Variants in CRISPLD1 observed in about 807,000 individuals in gnomAD.
CRISPLD1 encodes cysteine-rich secretory protein LCCL domain-containing 1.
In CRISPLD1, 60 loss-of-function variants were observed where a neutral mutation model predicts 77.5. That is an observed-to-expected ratio of 0.77 (90% CI 0.63 to 0.96). The LOEUF is 0.96. Among genes scored for constraint, CRISPLD1 ranks in the 40% least tolerant of loss-of-function variants. The pLI is 0.00. For synonymous variants in CRISPLD1, 195 were observed against 200.1 expected, an observed-to-expected ratio of 0.97 and a Z score of 0.22; for missense variants, 623 against 615.8, an observed-to-expected ratio of 1.01 and a Z score of -0.12.
intron 9 of CRISPLD1, 99 bp from the exon 10 acceptor site, chr8:75,017,221 A>G: frequency 6.5e-7 from 1 of 1,540,780 alleles, no homozygotes; most frequent in East Asian, 2.3e-5. Flanking sequence ...TTGCTCAGAA[A>G]TGTTTATTTA....
chr8:74,998,972 A>C (rs1563393231), intron 2 of CRISPLD1, among the ~76,000 whole-genome samples: 1 of 152,094 alleles, frequency 6.6e-6, no homozygotes, highest in Non-Finnish European at 1.5e-5. Flanking sequence ...AATATGGATC[A>C]AGTACAGATA....
chr8:75,005,262 T>C (rs574675973), intron 2 of CRISPLD1, among the ~76,000 whole-genome samples: 1 of 152,272 alleles, frequency 6.6e-6, no homozygotes, highest in Non-Finnish European at 1.5e-5. Context: ...TCTAAGAGAC[T>C]GTGAAGTACA....
chr8:75,013,216 A>G (rs952177572), intron 4 of CRISPLD1, among the ~76,000 whole-genome samples, 194 bp downstream of exon 4: 5 of 152,146 alleles, frequency 3.3e-5, no homozygotes, highest in Non-Finnish European at 5.9e-5. Context: ...AAGTCCAAAC[A>G]TCTACTTAAA....
At chr8:75,022,146 C>A (rs1230332822) in intron 12 of CRISPLD1, among the ~76,000 whole-genome samples, 1 of 152,118 alleles carries the variant, frequency 6.6e-6, no homozygotes, top group Non-Finnish European at 1.5e-5. Context: ...TTTTAAAATT[C>A]ATTTTAGCCT....
intron 14 of CRISPLD1, among the ~76,000 whole-genome samples, chr8:75,031,689 G>A (rs1813350913): frequency 6.6e-6 from 1 of 151,890 alleles, no homozygotes; most frequent in South Asian, 2.1e-4. Context: ...TAGATGTTAA[G>A]AGTATTAATC....
At position 74,984,686 on chromosome 8, in the gene CRISPLD1, C is replaced by A. The variant is rs983465491; in HGVS notation, c.-297C>A. On this transcript the variant is annotated 5_prime_UTR_variant, in exon 1 of 15. In the 5' UTR this introduces an upstream ATG that the reference lacks. Transcript: ENST00000262207. ...CGAAGCAGCTCCCTTCCCACCCCAA[C>A]TGCAGGTCTAATTTTGGACGCTTTG... The A allele has an allele frequency of 2.8e-4, 43 of 152,372 alleles. 1 individual carries two copies. The highest frequency in any genetic ancestry group is 9.9e-4 in the African/African-American group (41 of 41,462). 9.4% of individuals were successfully genotyped at this position (152,372 alleles called of 1,614,324 possible). A position where few individuals can be genotyped will look rare whatever the true frequency, so the allele number is the denominator to read the frequency against.
At chr8:75,019,709 T>C (rs901935496) in intron 10 of CRISPLD1, among the ~76,000 whole-genome samples, 161 bp from the exon 11 acceptor site, 6 of 152,154 alleles carry the variant, frequency 3.9e-5, no homozygotes, top group African/African-American at 1.4e-4. Flanking sequence ...TAATATGGAT[T>C]TAGCATAAAA....
chr8:75,015,280 G>A (rs904954710), intron 6 of CRISPLD1, among the ~76,000 whole-genome samples: 79 of 151,794 alleles, frequency 5.2e-4, no homozygotes, highest in Admixed American at 5.1e-3. Flanking sequence ...TTTATTTTTA[G>A]CGCTTTAAAC....
In CRISPLD1 at chr8:75,034,262, A is replaced by C. The variant is rs1339054325; in HGVS notation, c.*2020A>C. ...CACAAGGCGTGTCCTTGGGTAAGTT[A>C]TTTAACTTCAATTTACCTTACCTGT... On this transcript the variant is annotated 3_prime_UTR_variant, in exon 15 of 15. Transcript: ENST00000262207. 6.6e-6 allele frequency: 1 copy of C among 152,112 alleles called. No homozygotes were observed. Among genetic ancestry groups the C allele is most frequent in the Admixed American group, 6.5e-5 (1 of 15,268 alleles). The allele number at this position is 152,112 out of a possible 1,614,324, so 9.4% of individuals were successfully genotyped here.
intron 7 of CRISPLD1, 38 bp from the exon 8 acceptor site, chr8:75,016,843 A>G (rs1327881745): frequency 1.3e-6 from 2 of 1,525,198 alleles, no homozygotes; most frequent in East Asian, 2.4e-5. Context: ...AACTGCTTTT[A>G]TATTATTTAA....
chr8:74,994,691 T>G (rs187844462), intron 2 of CRISPLD1, among the ~76,000 whole-genome samples: 20 of 152,258 alleles, frequency 1.3e-4, no homozygotes, highest in African/African-American at 4.6e-4. Context: ...AAATGAGAAC[T>G]TTTACATGAG....
At chr8:75,002,729 G>A (rs938126802) in intron 2 of CRISPLD1, among the ~76,000 whole-genome samples, 2 of 152,030 alleles carry the variant, frequency 1.3e-5, no homozygotes, top group African/African-American at 4.8e-5. Flanking sequence ...ATTCCTGTTT[G>A]TGTGTTTCCT....
chr8:75,029,310 A>G (rs1406730145), intron 13 of CRISPLD1, 77 bp from the exon 14 acceptor site: 4 of 1,445,286 alleles, frequency 2.8e-6, no homozygotes, highest in Non-Finnish European at 3.8e-6. Context: ...ACTTCAGTCT[A>G]TTAATAATAG....
Position 74,986,102 on chromosome 8 carries a change from T to C in CRISPLD1, c.115T>C (p.Tyr39His). ...TTTATTGGAGAAACTTTTGGAAAAA[T>C]ACATGGATGAGGATGGTGAGTGGTG... ...ATLLEKLLEK[Y>H]MDEDGEWWIA... Residue 39 changes from tyrosine (Y) to histidine (H), a missense_variant, in exon 2 of 15, where the codon TAC becomes CAC. By Grantham distance (83) the Tyr-to-His change is moderately conservative. Transcript: ENST00000262207. 6.2e-7 allele frequency: 1 copy of C among 1,613,818 alleles called. No individual in the cohort carries two copies. Among genetic ancestry groups the C allele is most frequent in the Non-Finnish European group, 8.5e-7 (1 of 1,179,984 alleles).
intron 2 of CRISPLD1, among the ~76,000 whole-genome samples, chr8:75,008,374 A>G (rs1240486252): frequency 1.3e-5 from 2 of 152,212 alleles, no homozygotes; most frequent in Admixed American, 6.5e-5. Context: ...CTGATTTTAA[A>G]TAGAAATGTG....
rs540979964 is a variant in CRISPLD1, at chr8:74,986,898, A to G, written c.258+653A>G. 2.6e-5 allele frequency among the ~76,000 whole-genome samples: 4 copies of G among 152,296 alleles called. No homozygotes were observed. The South Asian group carries it at 8.3e-4, about 32-fold the overall frequency. ...TAAATTTGCAACTTTAAGGGACATA[A>G]TTACTTTAAGACTACTAGCATATAA... On this transcript the variant is annotated intron_variant, in intron 2 of 14. Coordinates refer to ENST00000262207, the MANE Select transcript of CRISPLD1 (RefSeq NM_031461.6).
In CRISPLD1 at chr8:75,020,097, T is replaced by G. The variant is rs748874169; in HGVS notation, c.1244+18T>G. On this transcript the variant is annotated intron_variant, in intron 12 of 14. Coordinates refer to ENST00000262207, the MANE Select transcript of CRISPLD1 (RefSeq NM_031461.6). ...TGCCCAAGGTAAACCAGTGTACACA[T>G]AGGGGGCTTTGGCCCTGTGATAACT... 3 of 1,598,352 alleles carry G rather than the reference T, an allele frequency of 1.9e-6. No homozygotes were observed. Among genetic ancestry groups the G allele is most frequent in the South Asian group, 2.2e-5 (2 of 90,700 alleles).
At chr8:74,986,488 T>C (rs959032320) in intron 2 of CRISPLD1, among the ~76,000 whole-genome samples, 21 of 152,314 alleles carry the variant, frequency 1.4e-4, no homozygotes, top group African/African-American at 5.1e-4. Context: ...TAAATTCTAC[T>C]CTCACCAGGA....
rs1256845339 is a variant in CRISPLD1, at chr8:75,019,876, T to A, written c.1134T>A (p.Tyr378Ter). 1 of 1,611,274 alleles carries A rather than the reference T, an allele frequency of 6.2e-7. No individual in the cohort carries two copies. Among genetic ancestry groups the A allele is most frequent in the Non-Finnish European group, 8.5e-7 (1 of 1,177,834 alleles). ...TCTGTATTTTTACCTTCAGCAAATA[T>A]CAGTCTGCTAATTCCTTCACAGTCT... is the stretch of plus-strand genomic sequence containing the variant. ...NRNGIQTIGK[Y>*]QSANSFTVSK... The change falls in exon 11 of 15, where the codon TAT becomes TAA. Residue 378 changes from tyrosine (Y) to a stop codon, truncating the protein, a stop_gained. Transcript: ENST00000262207. LOFTEE classifies it high-confidence loss of function.
Sources: gnomAD v4.1 joint callset for allele counts (sites outside exome capture counted in the v4.1 genomes callset) on GRCh38, gnomAD v4.1.1 for gene constraint, MANE v1.5 for transcripts, NCBI Gene and HGNC (gene_info 2026-07-23, HGNC 2026-07-21) for gene names.